RCHY1: variants seen among roughly 807,000 people sequenced by gnomAD.
RCHY1 encodes the protein ring finger and CHY zinc finger domain containing 1.
RCHY1 carries 21 observed loss-of-function variants against 41.6 expected under a neutral mutation model. The ratio of observed to expected loss-of-function variants is 0.51; its 90% CI spans 0.36 to 0.73. The LOEUF is 0.73. Among genes scored for constraint, RCHY1 ranks in the 30% least tolerant of loss-of-function variants. The pLI, the probability that RCHY1 is intolerant of heterozygous loss-of-function variation, is 0.00. For missense variants in RCHY1, 265 were observed against 325.3 expected (o/e 0.81, Z 1.43); for synonymous variants, 79 against 102.9 (o/e 0.77, Z 1.41).
chr4:75,506,130 C>CAA (rs547669760), intron 3 of RCHY1, among the ~76,000 whole-genome samples: 2 of 82,644 alleles, frequency 2.4e-5, no homozygotes, highest in Non-Finnish European at 5.1e-5. Flanking sequence ...ACAGGACATA[C>CAA]AAAAAAAAAA....
At position 75,512,247 on chromosome 4, in the gene RCHY1, T is replaced by A. The variant is rs143069371; in HGVS notation, c.90+1950A>T. ...CTAAGATTTAGATGATCATTTCACT[T>A]CTTCTCCTCTGGCTTTAAAACTCTA... On this transcript the variant is annotated intron_variant, in intron 1 of 8. Coordinates refer to ENST00000324439, the MANE Select transcript of RCHY1 (RefSeq NM_015436.4). 3.5e-3 allele frequency among the ~76,000 whole-genome samples: 540 copies of A among 152,300 alleles called. 3 individuals carry two copies. Among genetic ancestry groups the A allele is most frequent in the Non-Finnish European group, 5.7e-3 (385 of 68,018 alleles).
At position 75,481,445 on chromosome 4, in the gene RCHY1, G is replaced by T. The variant is rs1005133656; in HGVS notation, c.*1093C>A. 6.6e-6 allele frequency: 1 copy of T among 152,146 alleles called. No homozygotes were observed. Among genetic ancestry groups the T allele is most frequent in the African/African-American group, 2.4e-5 (1 of 41,414 alleles). The allele number at this position is 152,146 out of a possible 1,614,324, so 9.4% of individuals were successfully genotyped here. A position where few individuals can be genotyped will look rare whatever the true frequency, so the allele number is the denominator to read the frequency against. ...ATCATCAAACATATTTGTTAACTTT[G>T]TTCCTGAAGTAAGAGGTATATTTAA... On this transcript the variant is annotated 3_prime_UTR_variant, in exon 9 of 9. Transcript: ENST00000324439.
At chr4:75,502,200 C>A (rs1443572337) in intron 3 of RCHY1, among the ~76,000 whole-genome samples, 2 of 152,066 alleles carry the variant, frequency 1.3e-5, no homozygotes, top group East Asian at 3.9e-4. Flanking sequence ...TTAATCAATT[C>A]TGTTTTAAAG....
chr4:75,506,475 G>A (rs1391993389), intron 3 of RCHY1, among the ~76,000 whole-genome samples: 1 of 151,842 alleles, frequency 6.6e-6, no homozygotes, highest in Non-Finnish European at 1.5e-5. Context: ...CTGACAACTA[G>A]AAAATAACAA....
chr4:75,499,897 A>G (rs1247995259), intron 3 of RCHY1, among the ~76,000 whole-genome samples: 1 of 152,238 alleles, frequency 6.6e-6, no homozygotes, highest in African/African-American at 2.4e-5. Context: ...AATTGATTAT[A>G]CATTTCAAAC....
At chr4:75,485,171 C>T (rs902316740) in intron 8 of RCHY1, among the ~76,000 whole-genome samples, 1 of 152,160 alleles carries the variant, frequency 6.6e-6, no homozygotes, top group Non-Finnish European at 1.5e-5. Flanking sequence ...CCATACTGTG[C>T]CCAGGCATGG....
At chr4:75,498,181 G>A (rs1339564643) in intron 3 of RCHY1, among the ~76,000 whole-genome samples, 1 of 146,832 alleles carries the variant, frequency 6.8e-6, no homozygotes, top group African/African-American at 2.5e-5. Context: ...GAAATACAAA[G>A]ATAGATACTA....
intron 3 of RCHY1, among the ~76,000 whole-genome samples, chr4:75,497,630 G>A (rs1723340528): frequency 6.6e-6 from 1 of 152,104 alleles, no homozygotes; most frequent in Non-Finnish European, 1.5e-5. Flanking sequence ...TTTAAACTCT[G>A]TTAAGTTTAA....
intron 4 of RCHY1, among the ~76,000 whole-genome samples, chr4:75,493,817 C>T (rs1722951755): frequency 6.6e-6 from 1 of 151,780 alleles, no homozygotes; most frequent in South Asian, 2.1e-4. Flanking sequence ...TTCTTAAAAG[C>T]AGTACCAATG....
chr4:75,501,204 T>A (rs1432094650), intron 3 of RCHY1, among the ~76,000 whole-genome samples: 1 of 152,174 alleles, frequency 6.6e-6, no homozygotes, highest in Non-Finnish European at 1.5e-5. Context: ...AGACAGGGTT[T>A]CTCCATGTTG....
In RCHY1 at chr4:75,494,132, C is replaced by A; in HGVS notation, c.374G>T (p.Cys125Phe). The change falls in exon 4 of 9, where the codon TGC becomes TTC. Residue 125 changes from cysteine to phenylalanine, a missense_variant. Cys to Phe is a radical substitution (Grantham distance 205). Transcript: ENST00000324439. ...DFFHCLKCNL[C>F]LAMNLQGRHK... ...TCTTCCTTGAAGATTCATAGCTAGG[C>A]ATAAGTTACATTTCAAACAATGGAA... is the stretch of plus-strand genomic sequence containing the variant. The A allele has an allele frequency of 6.4e-7, 1 of 1,563,650 alleles. No homozygotes were observed. Among genetic ancestry groups the A allele is most frequent in the Non-Finnish European group, 8.6e-7 (1 of 1,161,044 alleles).
At chr4:75,505,279 C>T (rs1424658163) in intron 3 of RCHY1, among the ~76,000 whole-genome samples, 1 of 152,144 alleles carries the variant, frequency 6.6e-6, no homozygotes, top group Admixed American at 6.5e-5. Context: ...CTGCACTGGG[C>T]GCAGCTCAGT....
At chr4:75,491,302 C>G in intron 7 of RCHY1, 1 of 227,906 alleles carries the variant, frequency 4.4e-6, no homozygotes, top group East Asian at 9.2e-5. Context: ...TATTTTTCAG[C>G]ATTTTTACAA....
At position 75,514,294 on chromosome 4, in the gene RCHY1, A is replaced by G. The variant is rs1560536598; in HGVS notation, c.-8T>C. 6.2e-7 allele frequency: 1 copy of G among 1,606,058 alleles called. No homozygotes were observed. The highest frequency in any genetic ancestry group is 8.5e-7 in the Non-Finnish European group (1 of 1,175,008). Reference sequence around the variant, plus strand: ...CCGGGCCGTCGCCGCCATCTCCTCCACCTCCCCTCACATTCCACCGATCCT... The same window carrying G: ...CCGGGCCGTCGCCGCCATCTCCTCCGCCTCCCCTCACATTCCACCGATCCT... On this transcript the variant is annotated 5_prime_UTR_variant, in exon 1 of 9. Coordinates refer to ENST00000324439, the MANE Select transcript of RCHY1 (RefSeq NM_015436.4).
intron 4 of RCHY1, among the ~76,000 whole-genome samples, chr4:75,493,615 T>C (rs1036997957): frequency 2.6e-5 from 4 of 151,912 alleles, no homozygotes; most frequent in Non-Finnish European, 5.9e-5. Context: ...ATCAGTACTA[T>C]AATGTAATAC....
At chr4:75,503,295 T>C (rs147212664) in intron 3 of RCHY1, among the ~76,000 whole-genome samples, 2,033 of 152,248 alleles carry the variant, frequency 0.013, 24 homozygotes, top group Middle Eastern at 0.048. Context: ...ATAATGATGG[T>C]GAAATCAATC....
At chr4:75,495,880 T>A (rs534905315) in intron 3 of RCHY1, among the ~76,000 whole-genome samples, 8 of 152,048 alleles carry the variant, frequency 5.3e-5, no homozygotes, top group African/African-American at 1.5e-4. Context: ...TAAATTCATA[T>A]GTATAAATAT....
At chr4:75,513,531 A>G (rs1342477843) in intron 1 of RCHY1, among the ~76,000 whole-genome samples, 1 of 152,180 alleles carries the variant, frequency 6.6e-6, no homozygotes, top group African/African-American at 2.4e-5. Context: ...CCAAAGCTCA[A>G]GTTTTCTAAG....
chr4:75,487,042 A>G (rs1722077528), intron 8 of RCHY1, among the ~76,000 whole-genome samples: 1 of 152,202 alleles, frequency 6.6e-6, no homozygotes, highest in Admixed American at 6.5e-5. Flanking sequence ...GGAATAAAAA[A>G]GTGTAGATTA....
Sources: gnomAD v4.1 joint callset for allele counts (sites outside exome capture counted in the v4.1 genomes callset) on GRCh38, gnomAD v4.1.1 for gene constraint, MANE v1.5 for transcripts, NCBI Gene and HGNC (gene_info 2026-07-23, HGNC 2026-07-21) for gene names.